The following KATNIP variants were observed in gnomAD, a reference collection of about 807,000 sequenced individuals.
KATNIP encodes katanin-interacting protein.
KATNIP carries 126 observed loss-of-function variants against 174.0 expected under a neutral mutation model. That is an observed-to-expected ratio of 0.72 (90% CI 0.63 to 0.84). KATNIP has a LOEUF of 0.84. Ranked by LOEUF, KATNIP falls within the 40% of genes least tolerant of loss-of-function variation. The pLI, the probability that KATNIP is intolerant of heterozygous loss-of-function variation, is 0.00. For synonymous variants in KATNIP, 810 were observed against 835.7 expected (o/e 0.97, Z 0.53); for missense variants, 1,958 against 2,109.7 (o/e 0.93, Z 1.41).
chr16:27,758,133 A>G lies in KATNIP; in HGVS notation c.3632-3280A>G, dbSNP rs183623998. On this transcript the variant is annotated intron_variant, in intron 18 of 27. Transcript: ENST00000261588. ...CGCAGTGCAGCTTGCCAGGCAAACA[A>G]AGAGATTGTAGGCTTGGGAGAGACT... 1.5e-4 allele frequency among the ~76,000 whole-genome samples: 23 copies of G among 152,302 alleles called. No individual in the cohort carries two copies. The East Asian group carries it at 4.0e-3, about 27-fold the overall frequency.
intron 21 of KATNIP, among the ~76,000 whole-genome samples, chr16:27,770,334 G>A (rs1449907755): frequency 1.3e-5 from 2 of 152,186 alleles, no homozygotes; most frequent in Non-Finnish European, 2.9e-5. Flanking sequence ...TTTGGGGAAG[G>A]GCCTTCCTTC....
intron 2 of KATNIP, among the ~76,000 whole-genome samples, chr16:27,597,431 T>A (rs1392077992): frequency 1.2e-5 from 1 of 82,456 alleles, no homozygotes; most frequent in East Asian, 5.3e-4. Context: ...TTTTTTTTTT[T>A]ACCAGAAATG....
chr16:27,709,392 C>T (rs920734177), intron 13 of KATNIP, among the ~76,000 whole-genome samples: 2 of 151,266 alleles, frequency 1.3e-5, no homozygotes, highest in Admixed American at 1.3e-4. Flanking sequence ...GAGGCCGAGG[C>T]GAGTGGATCA....
chr16:27,731,925 C>A, intron 14 of KATNIP, among the ~76,000 whole-genome samples: 1 of 152,094 alleles, frequency 6.6e-6, no homozygotes. Context: ...CTGGCACAGC[C>A]CTGCCTTTCT....
At chr16:27,675,376 A>G (rs1228111004) in intron 6 of KATNIP, among the ~76,000 whole-genome samples, 1 of 152,270 alleles carries the variant, frequency 6.6e-6, no homozygotes, top group Non-Finnish European at 1.5e-5. Context: ...ACACATGGGG[A>G]TTATTACAGT....
chr16:27,706,420 T>G (rs1265553065), intron 12 of KATNIP, among the ~76,000 whole-genome samples: 1 of 152,032 alleles, frequency 6.6e-6, no homozygotes, highest in Non-Finnish European at 1.5e-5. Flanking sequence ...TGGGAAAGGG[T>G]CAGTTCCCCT....
intron 1 of KATNIP, among the ~76,000 whole-genome samples, chr16:27,561,545 AC>A (rs2089884894): frequency 6.6e-6 from 1 of 152,118 alleles, no homozygotes; most frequent in Admixed American, 6.6e-5. Flanking sequence ...TTAGCAGTGG[AC>A]CCTCTGATTT....
chr16:27,632,076 A>G (rs1209767955), intron 5 of KATNIP, among the ~76,000 whole-genome samples: 1 of 152,242 alleles, frequency 6.6e-6, no homozygotes, highest in Non-Finnish European at 1.5e-5. Context: ...TGGCAGAATC[A>G]AGAGTCAGTC....
chr16:27,611,283 A>G (rs1245276915), intron 2 of KATNIP, among the ~76,000 whole-genome samples: 3 of 152,240 alleles, frequency 2.0e-5, no homozygotes, highest in Non-Finnish European at 4.4e-5. Context: ...TAAGCCCTTG[A>G]TAAATGTTTA....
chr16:27,761,285 A>G (rs2081945816), intron 18 of KATNIP, 128 bp from the exon 19 acceptor site: 3 of 947,076 alleles, frequency 3.2e-6, no homozygotes, highest in Non-Finnish European at 4.6e-6. Context: ...CCCACCTGCA[A>G]GGCACTTTGG....
chr16:27,601,263 G>A (rs1276524365), intron 2 of KATNIP, among the ~76,000 whole-genome samples: 1 of 152,136 alleles, frequency 6.6e-6, no homozygotes, highest in African/African-American at 2.4e-5. Flanking sequence ...CGTGGGTCTG[G>A]CGTCCTGATG....
At position 27,777,638 on chromosome 16, in the gene KATNIP, A is replaced by T. The variant is rs138697665; in HGVS notation, c.4580A>T (p.Asn1527Ile). Residue 1527 changes from asparagine to isoleucine, a missense_variant, in exon 26 of 28, where the codon AAT becomes ATT. Asn to Ile is a moderately radical substitution (Grantham distance 149, BLOSUM62 -3). Coordinates refer to ENST00000261588, the MANE Select transcript of KATNIP (RefSeq NM_015202.5). This position sits in a 1 kb window ranked among gnomAD's most constrained non-coding sequence, Gnocchi z 4.4. Reference protein sequence around the residue: ...GLLVDDLLVYNGILAMVSHLV... With the variant: ...GLLVDDLLVYIGILAMVSHLV... Reference sequence around the variant, plus strand: ...CTGGTGGACGACCTGCTTGTGTACAATGGGATCCTGGCCATGGTGAGCCAC... The same window carrying T: ...CTGGTGGACGACCTGCTTGTGTACATTGGGATCCTGGCCATGGTGAGCCAC... 1.2e-6 allele frequency: 2 copies of T among 1,613,088 alleles called. No homozygotes were observed. Among genetic ancestry groups the T allele is most frequent in the African/African-American group, 2.7e-5 (2 of 74,918 alleles).
chr16:27,640,818 C>G (rs891553770), intron 5 of KATNIP, among the ~76,000 whole-genome samples: 1 of 151,746 alleles, frequency 6.6e-6, no homozygotes, highest in East Asian at 1.9e-4. Flanking sequence ...AGCAGTAGTG[C>G]TAAAGGGAAG....
intron 16 of KATNIP, among the ~76,000 whole-genome samples, chr16:27,750,521 G>A (rs1258213894): frequency 1.3e-5 from 2 of 149,200 alleles, no homozygotes; most frequent in African/African-American, 4.9e-5. Flanking sequence ...CCGGGTTCAC[G>A]CCATTCTCCT....
intron 6 of KATNIP, among the ~76,000 whole-genome samples, chr16:27,671,192 C>CAAAAAT (rs760151378): frequency 1.3e-5 from 2 of 152,028 alleles, no homozygotes; most frequent in East Asian, 1.9e-4. Context: ...GACTCCATCT[C>CAAAAAT]AAAAATAAAA....
At chr16:27,775,120 C>T in intron 24 of KATNIP, 36 bp downstream of exon 24, 1 of 1,595,960 alleles carries the variant, frequency 6.3e-7, no homozygotes, top group South Asian at 1.1e-5. Context: ...AGCTCCTGGC[C>T]CTCAGGCGGG....
At chr16:27,720,421 G>A (rs1191058378) in intron 13 of KATNIP, among the ~76,000 whole-genome samples, 1 of 151,808 alleles carries the variant, frequency 6.6e-6, no homozygotes, top group Non-Finnish European at 1.5e-5. Flanking sequence ...TTTAATGAAA[G>A]GGCAGACATT....
At chr16:27,757,791 CAG>C (rs1052447130) in intron 18 of KATNIP, among the ~76,000 whole-genome samples, 8 of 152,148 alleles carry the variant, frequency 5.3e-5, no homozygotes, top group African/African-American at 1.9e-4. Context: ...GAGCGGAGCA[CAG>C]AGAGAGCTTT....
chr16:27,712,323 C>T (rs1048356845), intron 13 of KATNIP, among the ~76,000 whole-genome samples: 10 of 152,138 alleles, frequency 6.6e-5, no homozygotes, highest in East Asian at 3.9e-4. Context: ...GTCCCAGGCC[C>T]GGGGCTACCG....
Sources: gnomAD v4.1 joint callset for allele counts (sites outside exome capture counted in the v4.1 genomes callset) on GRCh38, gnomAD v4.1.1 for gene constraint, Gnocchi (gnomAD v3.1) non-coding constraint, MANE v1.5 for transcripts, NCBI Gene and HGNC (gene_info 2026-07-23, HGNC 2026-07-21) for gene names.